Variants in CFTR observed in about 807,000 individuals in gnomAD.
CFTR encodes cystic fibrosis transmembrane conductance regulator.
Under a neutral mutation model 171.6 loss-of-function variants are expected in CFTR, and 181 were observed. That is an observed-to-expected ratio of 1.05 (90% CI 0.93 to 1.19). The LOEUF (loss-of-function observed/expected upper bound fraction) is 1.19. Among genes scored for constraint, CFTR ranks in the 50% most tolerant of loss-of-function variants. The pLI, the probability that CFTR is intolerant of heterozygous loss-of-function variation, is 0.00. For synonymous variants in CFTR, 583 were observed against 608.0 expected, an observed-to-expected ratio of 0.96 and a Z score of 0.60; for missense variants, 1,968 against 1,734.7, an observed-to-expected ratio of 1.13 and a Z score of -2.39.
chr7:117,536,560 T>C lies in CFTR; in HGVS notation c.756T>C (p.Ala252=). 6.3e-7 allele frequency: 1 copy of C among 1,593,350 alleles called. No homozygotes were observed. Among genetic ancestry groups the C allele is most frequent in the Non-Finnish European group, 8.6e-7 (1 of 1,168,062 alleles). The change falls in exon 7 of 27, where the codon GCT becomes GCC. Residue 252 remains alanine, a synonymous_variant. Coordinates refer to ENST00000003084, the MANE Select transcript of CFTR (RefSeq NM_000492.4). ...GATTGATTTACAGAGATCAGAGAGC[T>C]GGGAAGATCAGTGAAAGACTTGTGA... The part of the protein sequence containing the change: ...RMMMKYRDQR[A]GKISERLVIT...
intron 1 of CFTR, among the ~76,000 whole-genome samples, chr7:117,485,928 T>G (rs553921976): frequency 6.6e-6 from 1 of 152,166 alleles, no homozygotes; most frequent in Admixed American, 6.5e-5. Flanking sequence ...AATGAGTTCA[T>G]GGTGATCAAC....
chr7:117,533,748 C>T (rs990793718), intron 4 of CFTR, among the ~76,000 whole-genome samples: 19 of 152,024 alleles, frequency 1.2e-4, no homozygotes, highest in Admixed American at 3.3e-4. Flanking sequence ...TGCTTAACTA[C>T]GTTTCATATA....
chr7:117,595,212 T>C (rs1413536608), intron 15 of CFTR, among the ~76,000 whole-genome samples, 154 bp downstream of exon 15: 1 of 151,650 alleles, frequency 6.6e-6, no homozygotes, highest in African/African-American at 2.4e-5. Flanking sequence ...TCACTATATG[T>C]ATATATGTAT....
chr7:117,578,724 C>T (rs562911634), intron 11 of CFTR, among the ~76,000 whole-genome samples: 1 of 152,150 alleles, frequency 6.6e-6, no homozygotes, highest in African/African-American at 2.4e-5. Context: ...TTGTCTAATG[C>T]TTGAAACATC....
intron 11 of CFTR, among the ~76,000 whole-genome samples, chr7:117,573,298 T>C (rs1791723646): frequency 6.6e-6 from 1 of 152,170 alleles, no homozygotes; most frequent in South Asian, 2.1e-4. Flanking sequence ...AAGTTAATCT[T>C]TATTGCACAC....
Position 117,559,667 on chromosome 7 carries a change from T to C in CFTR, c.1584+12T>C, listed in dbSNP as rs193922502. The C allele has an allele frequency of 3.5e-4, 567 of 1,604,880 alleles. No individual in the cohort carries two copies. The highest frequency in any genetic ancestry group is 4.3e-4 in the Non-Finnish European group (510 of 1,172,656). On this transcript the variant is annotated intron_variant, in intron 11 of 26. Transcript: ENST00000003084. The stretch of plus-strand genomic sequence containing the variant: ...GCCAACTAGAAGAGGTAAGAAACTA[T>C]GTGAAAACTTTTTGATTATGCATAT...
chr7:117,594,779 C>CATTATAA, intron 14 of CFTR, 151 bp from the exon 15 acceptor site: 1 of 678,798 alleles, frequency 1.5e-6, no homozygotes, highest in Non-Finnish European at 2.5e-6. Context: ...AGAATGACAT[C>CATTATAA]ATACATGGCA....
intron 18 of CFTR, among the ~76,000 whole-genome samples, chr7:117,608,879 A>T (rs1193847283): frequency 6.6e-6 from 1 of 152,054 alleles, no homozygotes; most frequent in Non-Finnish European, 1.5e-5. Context: ...TCTATTTTCT[A>T]TTATTTTTCT....
At chr7:117,577,462 T>C (rs1791788786) in intron 11 of CFTR, among the ~76,000 whole-genome samples, 1 of 152,142 alleles carries the variant, frequency 6.6e-6, no homozygotes, top group African/African-American at 2.4e-5. Flanking sequence ...TTGACCAAGA[T>C]ATTCTTTATT....
chr7:117,627,611 A>C lies in CFTR; in HGVS notation c.3558A>C (p.Gln1186His), dbSNP rs1800121. The C allele has an allele frequency of 6.2e-7, 1 of 1,613,504 alleles. No homozygotes were observed. The highest frequency in any genetic ancestry group is 8.5e-7 in the Non-Finnish European group (1 of 1,179,598). ...CAACCAAACCATACAAGAATGGCCA[A>C]CTCTCGAAAGTTATGATTATTGAGA... The part of the protein sequence containing the change: ...TKSTKPYKNG[Q>H]LSKVMIIENS... The change falls in exon 22 of 27, where the codon CAA becomes CAC. Residue 1186 changes from glutamine (Q) to histidine (H), a missense_variant. Coordinates refer to ENST00000003084, the MANE Select transcript of CFTR (RefSeq NM_000492.4).
chr7:117,629,699 T>G (rs1248026318), intron 22 of CFTR, among the ~76,000 whole-genome samples: 1 of 152,224 alleles, frequency 6.6e-6, no homozygotes, highest in Admixed American at 6.5e-5. Context: ...ACTCCATTTT[T>G]ACTTTTAGTC....
chr7:117,482,253 C>A (rs1478333224), intron 1 of CFTR, among the ~76,000 whole-genome samples: 2 of 152,064 alleles, frequency 1.3e-5, no homozygotes, highest in Non-Finnish European at 1.5e-5. Flanking sequence ...TAGAATTTAA[C>A]TTTCTGAATA....
intron 2 of CFTR, among the ~76,000 whole-genome samples, chr7:117,504,746 CCTCT>C (rs889406622): frequency 2.2e-5 from 3 of 138,116 alleles, no homozygotes; most frequent in Non-Finnish European, 4.6e-5. Flanking sequence ...ACAGCAAAAC[CCTCT>C]CTCTCTAAAA....
intron 24 of CFTR, among the ~76,000 whole-genome samples, chr7:117,658,780 C>T (rs1270728783): frequency 1.3e-5 from 2 of 152,164 alleles, no homozygotes; most frequent in Non-Finnish European, 2.9e-5. Context: ...CACTTTTCTT[C>T]ATTTCCACCT....
Position 117,664,880 on chromosome 7 carries a change from T to C in CFTR, c.4136+20T>C, listed in dbSNP as rs529583768. On this transcript the variant is annotated intron_variant, in intron 25 of 26. Coordinates refer to ENST00000003084, the MANE Select transcript of CFTR (RefSeq NM_000492.4). ...TCCAGTGTGAGTTTCAGATGTTCTG[T>C]TACTTAATAGCACAGTGGGAACAGA... The C allele has an allele frequency of 6.2e-7, 1 of 1,612,184 alleles. No homozygotes were observed. Among genetic ancestry groups the C allele is most frequent in the African/African-American group, 1.3e-5 (1 of 74,998 alleles).
In CFTR at chr7:117,665,460, AC is replaced by A. The variant is rs397508680; in HGVS notation, c.4139del (p.Thr1380AsnfsTer4). The A allele has an allele frequency of 3.8e-6, 6 of 1,577,782 alleles. No homozygotes were observed. The highest frequency in any genetic ancestry group is 5.2e-6 in the Non-Finnish European group (6 of 1,147,108). On this transcript the variant is annotated frameshift_variant and splice_region_variant, in exon 26 of 27. Transcript: ENST00000003084. LOFTEE classifies it high-confidence loss of function. ...TGTGGTATTTTCTTTCTTTTCTAGA[AC>A]ATACCAAATAATTAGAAGAACTCTA... ...DEPSAHLDPVTYQIIRRTLKQ... is the reference protein window; with the variant it reads ...DEPSAHLDPVXYQIIRRTLKQ...
At chr7:117,504,205 A>G in intron 1 of CFTR, 48 bp from the exon 2 acceptor site, 1 of 1,096,946 alleles carries the variant, frequency 9.1e-7, no homozygotes, top group Non-Finnish European at 1.4e-6. Context: ...CCAAATCTGT[A>G]TGGAGACCAA....
chr7:117,535,777 G>A (rs964382830), intron 6 of CFTR, among the ~76,000 whole-genome samples: 3 of 152,040 alleles, frequency 2.0e-5, no homozygotes, highest in East Asian at 3.9e-4. Flanking sequence ...CAGGTGATCC[G>A]CCCACCTCGG....
At chr7:117,489,613 C>T (rs1479352977) in intron 1 of CFTR, among the ~76,000 whole-genome samples, 1 of 151,888 alleles carries the variant, frequency 6.6e-6, no homozygotes, top group Non-Finnish European at 1.5e-5. Flanking sequence ...GCTTGGCCCA[C>T]ATATGGTGTA....
Sources: gnomAD v4.1 joint callset for allele counts (sites outside exome capture counted in the v4.1 genomes callset) on GRCh38, gnomAD v4.1.1 for gene constraint, MANE v1.5 for transcripts, NCBI Gene and HGNC (gene_info 2026-07-23, HGNC 2026-07-21) for gene names.